Variants in LMX1B observed in about 807,000 individuals in gnomAD.
LMX1B encodes LIM homeobox transcription factor 1 beta.
In LMX1B, 12 loss-of-function variants were observed where a neutral mutation model predicts 51.4. The ratio of observed to expected loss-of-function variants is 0.23; its 90% CI spans 0.15 to 0.38. The LOEUF (loss-of-function observed/expected upper bound fraction) is 0.38. Among genes scored for constraint, LMX1B ranks in the 10% least tolerant of loss-of-function variants. The pLI is 1.00. For synonymous variants in LMX1B, 237 were observed against 235.4 expected (o/e 1.01, Z -0.06); for missense variants, 445 against 571.1 (o/e 0.78, Z 2.25).
chr9:126,686,273 C>A (rs1005377583), intron 2 of LMX1B, among the ~76,000 whole-genome samples: 1 of 118,390 alleles, frequency 8.4e-6, no homozygotes, highest in African/African-American at 3.2e-5. Context: ...GAGTGAGACT[C>A]CATCTCAAAA....
At chr9:126,676,048 CAAAA>C (rs34471786) in intron 2 of LMX1B, among the ~76,000 whole-genome samples, 13 of 82,502 alleles carry the variant, frequency 1.6e-4, no homozygotes, top group Admixed American at 7.7e-4. Flanking sequence ...GACTCCGTCT[CAAAA>C]AAAAAAAAAA....
chr9:126,625,158 C>T lies in LMX1B; in HGVS notation c.326+9589C>T, dbSNP rs1197228290. 6.6e-6 allele frequency among the ~76,000 whole-genome samples: 1 copy of T among 152,260 alleles called. No individual in the cohort carries two copies. The highest frequency in any genetic ancestry group is 1.5e-5 in the Non-Finnish European group (1 of 68,048). On this transcript the variant is annotated intron_variant, in intron 2 of 7. Coordinates refer to ENST00000373474, the MANE Select transcript of LMX1B (RefSeq NM_001174147.2). This position sits in a 1 kb window ranked among gnomAD's most constrained non-coding sequence, Gnocchi z 5.3. The stretch of plus-strand genomic sequence containing the variant: ...AGCCGAGCACCTTACAACCGTGTCC[C>T]CTCCACCCCTTCCGAGGACGGCGGG...
chr9:126,637,512 A>G (rs1461011018), intron 2 of LMX1B, among the ~76,000 whole-genome samples: 5 of 152,038 alleles, frequency 3.3e-5, no homozygotes, highest in South Asian at 2.1e-4. Flanking sequence ...GGTGTGTGGC[A>G]TACAGGTTCA....
intron 2 of LMX1B, among the ~76,000 whole-genome samples, chr9:126,659,986 C>CTG (rs1554725556): frequency 3.8e-5 from 3 of 78,412 alleles, no homozygotes; most frequent in Non-Finnish European, 6.4e-5. Flanking sequence ...AAAGGTTGTC[C>CTG]TGTGTGTGTC....
chr9:126,682,110 T>TTTTTTTTTTG (rs1836688125), intron 2 of LMX1B, among the ~76,000 whole-genome samples: 2 of 136,524 alleles, frequency 1.5e-5, no homozygotes. Flanking sequence ...TTTTTTTTTA[T>TTTTTTTTTTG]AGAGATGGGC....
Position 126,673,283 on chromosome 9 carries a change from A to C in LMX1B, c.327-17553A>C, listed in dbSNP as rs1836493095. On this transcript the variant is annotated intron_variant, in intron 2 of 7. Transcript: ENST00000373474. The surrounding 1 kb of genome is among the most constrained non-coding windows in gnomAD (Gnocchi z 4.4). Reference sequence around the variant, plus strand: ...AAAGGGCATTGAGGGGACCTGTCAGAGTGAATGGGGAGCCACCCACAGAGG... The same window carrying C: ...AAAGGGCATTGAGGGGACCTGTCAGCGTGAATGGGGAGCCACCCACAGAGG... Among the ~76,000 whole-genome samples, 1 of 152,022 alleles carries C rather than the reference A, an allele frequency of 6.6e-6. No individual in the cohort carries two copies. Among genetic ancestry groups the C allele is most frequent in the Non-Finnish European group, 1.5e-5 (1 of 67,976 alleles).
At chr9:126,683,013 C>A (rs1026982116) in intron 2 of LMX1B, among the ~76,000 whole-genome samples, 2 of 151,728 alleles carry the variant, frequency 1.3e-5, no homozygotes, top group African/African-American at 4.8e-5. Context: ...CTGTGCCCGT[C>A]CCTCCCTGTC....
rs550216288 is a variant in LMX1B at position 126,669,085 on chromosome 9, C to T, written c.327-21751C>T. Reference sequence around the variant, plus strand: ...AAGGGGCTCTCTGGCAGCTTGAGCCCTGAGCAGTCCTGGACCCCGAGGGCG... The same window carrying T: ...AAGGGGCTCTCTGGCAGCTTGAGCCTTGAGCAGTCCTGGACCCCGAGGGCG... On this transcript the variant is annotated intron_variant, in intron 2 of 7. Coordinates refer to ENST00000373474, the MANE Select transcript of LMX1B (RefSeq NM_001174147.2). Among the ~76,000 whole-genome samples the T allele has an allele frequency of 1.5e-4, 23 of 152,348 alleles. No individual in the cohort carries two copies. The East Asian group carries it at 4.4e-3, about 29-fold the overall frequency.
intron 2 of LMX1B, among the ~76,000 whole-genome samples, chr9:126,688,556 G>A (rs2029994995): frequency 6.6e-6 from 1 of 152,222 alleles, no homozygotes; most frequent in Non-Finnish European, 1.5e-5. Flanking sequence ...CACCCTCCAT[G>A]TCAGAGCACC....
chr9:126,666,344 G>A (rs1285358798), intron 2 of LMX1B, among the ~76,000 whole-genome samples: 2 of 152,206 alleles, frequency 1.3e-5, no homozygotes, highest in East Asian at 3.8e-4. Context: ...GGAGAGCCAA[G>A]GCACGGAGTT....
chr9:126,648,489 G>A (rs1835944045), intron 2 of LMX1B, among the ~76,000 whole-genome samples: 1 of 152,194 alleles, frequency 6.6e-6, no homozygotes, highest in Admixed American at 6.5e-5. Context: ...TCCCTCCTGT[G>A]AGCTGTGGTA....
chr9:126,643,014 C>T (rs1299020009), intron 2 of LMX1B, among the ~76,000 whole-genome samples: 1 of 152,200 alleles, frequency 6.6e-6, no homozygotes, highest in African/African-American at 2.4e-5. Flanking sequence ...GGAAAGAAAA[C>T]AGGATTCCCC....
chr9:126,656,383 T>TTAGATAGA (rs3052900), intron 2 of LMX1B, among the ~76,000 whole-genome samples: 3,786 of 143,938 alleles, frequency 0.026, 69 homozygotes, highest in East Asian at 0.033. Flanking sequence ...GATCTGGTCT[T>TTAGATAGA]TAGATAGATA....
chr9:126,696,124 A>C (rs2030322476), intron 7 of LMX1B, 121 bp downstream of exon 7: 1 of 1,175,970 alleles, frequency 8.5e-7, no homozygotes, highest in Non-Finnish European at 1.2e-6. Context: ...TGGCCAGCAC[A>C]GCCCTCCTGC....
chr9:126,670,835 G>C (rs1564162017), intron 2 of LMX1B, among the ~76,000 whole-genome samples: 1 of 152,196 alleles, frequency 6.6e-6, no homozygotes, highest in Non-Finnish European at 1.5e-5. Flanking sequence ...TTCATTATAT[G>C]GCGTTTCTCT....
chr9:126,644,270 A>G (rs1835859916), intron 2 of LMX1B, among the ~76,000 whole-genome samples: 1 of 152,184 alleles, frequency 6.6e-6, no homozygotes, highest in Non-Finnish European at 1.5e-5. Context: ...AGATGAGGAG[A>G]GAAATCCATA....
chr9:126,690,818 C>T lies in LMX1B; in HGVS notation c.327-18C>T, dbSNP rs988617372. The stretch of plus-strand genomic sequence containing the variant: ...GACTTCTGAGCACCGCCAACACGCC[C>T]GCTTTGTGCATCCGCAGGCTCTTCG... On this transcript the variant is annotated intron_variant, in intron 2 of 7. Transcript: ENST00000373474. 9 of 1,591,922 alleles carry T rather than the reference C, an allele frequency of 5.7e-6. No homozygotes were observed. In the East Asian group the frequency reaches 1.1e-4, roughly 20 times the overall value.
chr9:126,692,738 C>A (rs1270517077), intron 3 of LMX1B, among the ~76,000 whole-genome samples: 1 of 152,258 alleles, frequency 6.6e-6, no homozygotes, highest in Non-Finnish European at 1.5e-5. Context: ...CAGCCATGTG[C>A]ACAACCGTGC....
intron 2 of LMX1B, among the ~76,000 whole-genome samples, chr9:126,634,398 C>G (rs1040376789): frequency 6.6e-6 from 1 of 152,224 alleles, no homozygotes; most frequent in East Asian, 1.9e-4. Context: ...CCTCCCTCCA[C>G]GCCCTGTGTG....
Sources: allele counts gnomAD v4.1 joint callset (sites outside exome capture counted in the v4.1 genomes callset), GRCh38; gene constraint gnomAD v4.1.1; non-coding constraint Gnocchi (gnomAD v3.1); transcripts MANE v1.5; gene names NCBI Gene and HGNC (gene_info 2026-07-23, HGNC 2026-07-21).